Variants in LHFPL6 observed in about 807,000 individuals in gnomAD.
The protein encoded by LHFPL6 is LHFPL tetraspan subfamily member 6, also known as LHFPL tetraspan subfamily member 6 protein.
In LHFPL6, 9 loss-of-function variants were observed where a neutral mutation model predicts 20.6. The observed-to-expected ratio is 0.44, with a 90% CI of 0.26 to 0.76. The LOEUF is 0.76. LHFPL6 is among the 30% of genes least tolerant of loss of function. LHFPL6 has a pLI of 0.20. For synonymous variants in LHFPL6, 105 were observed against 98.7 expected, an observed-to-expected ratio of 1.06 and a Z score of -0.38; for missense variants, 218 against 253.5, an observed-to-expected ratio of 0.86 and a Z score of 0.95.
chr13:39,344,098 T>A (rs1252820468), intron 3 of LHFPL6, 44 bp from the exon 4 acceptor site: 1 of 1,529,326 alleles, frequency 6.5e-7, no homozygotes, highest in Admixed American at 1.7e-5. Flanking sequence ...CAGATGAGGA[T>A]GATTTTGCAG....
intron 2 of LHFPL6, among the ~76,000 whole-genome samples, chr13:39,575,542 A>T (rs1452425484): frequency 6.6e-6 from 1 of 152,208 alleles, no homozygotes; most frequent in African/African-American, 2.4e-5. Context: ...AAGAAGTCCA[A>T]GTGGCCAGAT....
chr13:39,538,043 T>G (rs1245605216), intron 2 of LHFPL6, among the ~76,000 whole-genome samples: 3 of 149,026 alleles, frequency 2.0e-5, no homozygotes, highest in African/African-American at 5.0e-5. Flanking sequence ...CAGGCTGGAG[T>G]GCAGTGGCGG....
chr13:39,478,243 T>C (rs151083188), intron 2 of LHFPL6, among the ~76,000 whole-genome samples: 4 of 152,162 alleles, frequency 2.6e-5, no homozygotes, highest in African/African-American at 7.2e-5. Context: ...ACAAGTGATA[T>C]CTAAATAGAT....
intron 2 of LHFPL6, among the ~76,000 whole-genome samples, chr13:39,505,219 A>G (rs914311413): frequency 1.3e-5 from 2 of 152,242 alleles, no homozygotes; most frequent in African/African-American, 2.4e-5. Context: ...AATCAGGTAT[A>G]GATGTTATCA....
intron 2 of LHFPL6, among the ~76,000 whole-genome samples, chr13:39,488,635 TA>T (rs1868805185): frequency 6.6e-6 from 1 of 152,218 alleles, no homozygotes; most frequent in African/African-American, 2.4e-5. Context: ...TAATTGTGTT[TA>T]ATTGGATCAT....
intron 2 of LHFPL6, among the ~76,000 whole-genome samples, chr13:39,395,089 C>G (rs1282635825): frequency 6.6e-6 from 1 of 152,120 alleles, no homozygotes; most frequent in Admixed American, 6.6e-5. Context: ...TGGATCAGAC[C>G]AGCTTCCTCC....
At chr13:39,504,542 C>A (rs1159946833) in intron 2 of LHFPL6, among the ~76,000 whole-genome samples, 3 of 152,156 alleles carry the variant, frequency 2.0e-5, no homozygotes, top group Non-Finnish European at 4.4e-5. Context: ...CTCCGGAGGC[C>A]TCTCTCCTTG....
intron 3 of LHFPL6, among the ~76,000 whole-genome samples, chr13:39,346,273 G>A (rs1265591696): frequency 6.6e-6 from 1 of 152,060 alleles, no homozygotes; most frequent in African/African-American, 2.4e-5. Context: ...AAGTTCTTAG[G>A]CCATTACCTA....
At chr13:39,537,037 C>T (rs528078035) in intron 2 of LHFPL6, among the ~76,000 whole-genome samples, 1 of 152,316 alleles carries the variant, frequency 6.6e-6, no homozygotes, top group East Asian at 1.9e-4. Context: ...TGTTCCTCTG[C>T]CCCTGTCATT....
chr13:39,459,000 T>C (rs534425655), intron 2 of LHFPL6, among the ~76,000 whole-genome samples: 1 of 152,298 alleles, frequency 6.6e-6, no homozygotes, highest in South Asian at 2.1e-4. Context: ...TAAATGTAAA[T>C]ACCTCAATTT....
intron 2 of LHFPL6, among the ~76,000 whole-genome samples, chr13:39,465,091 C>T (rs1872770949): frequency 6.6e-6 from 1 of 152,096 alleles, no homozygotes; most frequent in African/African-American, 2.4e-5. Context: ...GACTTACTTG[C>T]TATGGCAATA....
Position 39,344,063 on chromosome 13 carries a change from A to G in LHFPL6, c.485-9T>C, listed in dbSNP as rs1397712008. 14 of 1,600,328 alleles carry G rather than the reference A, an allele frequency of 8.7e-6. No individual in the cohort carries two copies. The highest frequency in any genetic ancestry group is 1.3e-5 in the African/African-American group (1 of 74,888). ...GCCGATTTCACACTTCCCTAAGGAC[A>G]AAGGAAGGGGAAAGAAGAAAGTCAC... On this transcript the variant is annotated splice_polypyrimidine_tract_variant and intron_variant, in intron 3 of 3. Coordinates refer to ENST00000379589, the MANE Select transcript of LHFPL6 (RefSeq NM_005780.3).
intron 2 of LHFPL6, among the ~76,000 whole-genome samples, chr13:39,426,301 A>T (rs1457595231): frequency 1.3e-5 from 2 of 149,508 alleles, no homozygotes; most frequent in Non-Finnish European, 3.0e-5. Context: ...GCTCACTACA[A>T]CCTCCACCTC....
chr13:39,394,008 C>G (rs1272566612), intron 2 of LHFPL6, among the ~76,000 whole-genome samples: 3 of 152,112 alleles, frequency 2.0e-5, no homozygotes, highest in Admixed American at 6.6e-5. Context: ...TGGCCTGATC[C>G]TAGCTCACTG....
At chr13:39,449,118 C>A (rs1320582214) in intron 2 of LHFPL6, among the ~76,000 whole-genome samples, 4 of 152,228 alleles carry the variant, frequency 2.6e-5, no homozygotes, top group African/African-American at 9.6e-5. Context: ...CACTGCATCT[C>A]GGCTGCATGG....
intron 2 of LHFPL6, among the ~76,000 whole-genome samples, chr13:39,483,688 G>T (rs1868617417): frequency 1.3e-5 from 2 of 152,214 alleles, no homozygotes; most frequent in African/African-American, 4.8e-5. Flanking sequence ...GTTTACAGAA[G>T]CACCAAAATC....
chr13:39,392,320 C>T (rs181821184), intron 2 of LHFPL6, among the ~76,000 whole-genome samples: 39 of 152,244 alleles, frequency 2.6e-4, no homozygotes, highest in African/African-American at 6.3e-4. Flanking sequence ...AGTGGCCGGG[C>T]GCGGTGGCTC....
chr13:39,481,290 A>T (rs1389197318), intron 2 of LHFPL6, among the ~76,000 whole-genome samples: 1 of 152,232 alleles, frequency 6.6e-6, no homozygotes, highest in Non-Finnish European at 1.5e-5. Context: ...TGTTTATTTC[A>T]TAATCACTCA....
chr13:39,505,164 A>G (rs1869432949), intron 2 of LHFPL6, among the ~76,000 whole-genome samples: 1 of 152,232 alleles, frequency 6.6e-6, no homozygotes, highest in East Asian at 1.9e-4. Context: ...GGACCAGTCA[A>G]CCATTCCAGG....
Sources: allele counts gnomAD v4.1 joint callset (sites outside exome capture counted in the v4.1 genomes callset), GRCh38; gene constraint gnomAD v4.1.1; transcripts MANE v1.5; gene names NCBI Gene and HGNC (gene_info 2026-07-23, HGNC 2026-07-21).